NPAS4: variants seen among roughly 807,000 people sequenced by gnomAD.
NPAS4 encodes neuronal PAS domain-containing protein 4.
NPAS4 carries 10 observed loss-of-function variants against 64.0 expected under a neutral mutation model. The observed-to-expected ratio is 0.16, with a 90% CI of 0.10 to 0.26. The LOEUF is 0.26. Among genes scored for constraint, NPAS4 ranks in the 10% least tolerant of loss-of-function variants. NPAS4 has a pLI of 1.00. For synonymous variants in NPAS4, 441 were observed against 411.7 expected (o/e 1.07, Z -0.86); for missense variants, 886 against 992.6 (o/e 0.89, Z 1.44).
chr11:66,415,713 G>T, the NPAS4 span, among the ~76,000 whole-genome samples: 1 of 152,216 alleles, frequency 6.6e-6, no homozygotes, highest in East Asian at 1.9e-4. Context: ...AGAAAGCTTG[G>T]GTTGGGAGCA....
At position 66,426,133 on chromosome 11, in the gene NPAS4, G is replaced by C. The variant is rs564057244; in HGVS notation, c.*144G>C. 1.9e-4 allele frequency: 89 copies of C among 472,040 alleles called. No homozygotes were observed. Among genetic ancestry groups the C allele is most frequent in the African/African-American group, 1.6e-3 (79 of 49,760 alleles). 29.2% of individuals were successfully genotyped at this position (472,040 alleles called of 1,614,324 possible). ...TCCCCAGGCCCTGCAGGATTTTGGG[G>C]GGGGGGAGGTGGGAGGGCAAGGGAG... is the stretch of plus-strand genomic sequence containing the variant. On this transcript the variant is annotated 3_prime_UTR_variant, in exon 8 of 8. Coordinates refer to ENST00000311034, the MANE Select transcript of NPAS4 (RefSeq NM_178864.4).
Position 66,422,961 on chromosome 11 carries a change from A to T in NPAS4, c.698+20A>T. 1 of 1,598,640 alleles carries T rather than the reference A, an allele frequency of 6.3e-7. No homozygotes were observed. The highest frequency in any genetic ancestry group is 8.5e-7 in the Non-Finnish European group (1 of 1,177,034). ...CGAGAGGTAAGCCTGGAGTGTTCAG[A>T]TTCCAAGAGAAAGGCAGGCCAGAGA... On this transcript the variant is annotated intron_variant, in intron 4 of 7. Coordinates refer to ENST00000311034, the MANE Select transcript of NPAS4 (RefSeq NM_178864.4).
Position 66,426,054 on chromosome 11 carries a change from A to AC in NPAS4, c.*72dup, listed in dbSNP as rs1013946599. Reference sequence around the variant, plus strand: ...TCATCAAGACGTGGAGCCGCTCTCCACCCCCCCGGGACTGTTGGGGGGATT... The same window carrying AC: ...TCATCAAGACGTGGAGCCGCTCTCCACCCCCCCCGGGACTGTTGGGGGGATT... On this transcript the variant is annotated 3_prime_UTR_variant, in exon 8 of 8. Transcript: ENST00000311034. The AC allele has an allele frequency of 9.3e-5, 97 of 1,046,008 alleles. 1 individual carries two copies. The Middle Eastern group carries it at 1.4e-3, about 15-fold the overall frequency. The allele number at this position is 1,046,008 out of a possible 1,614,324, so 64.8% of individuals were successfully genotyped here.
the NPAS4 span, among the ~76,000 whole-genome samples, chr11:66,415,129 T>C: frequency 2.0e-5 from 3 of 152,150 alleles, no homozygotes; most frequent in Non-Finnish European, 4.4e-5. Context: ...AGGGTCGGAA[T>C]AGGGATGGAA....
intron 5 of NPAS4, 119 bp downstream of exon 5, chr11:66,423,351 C>T (rs1451274407): frequency 1.1e-5 from 9 of 835,800 alleles, no homozygotes; most frequent in East Asian, 2.6e-5. Context: ...CCAACAGTTT[C>T]GGATGCTATA....
chr11:66,424,021 T>A lies in NPAS4; in HGVS notation c.1131T>A (p.Ser377Arg), dbSNP rs776339478. Residue 377 changes from serine to arginine, a missense_variant, in exon 7 of 8, where the codon AGT becomes AGA. Coordinates refer to ENST00000311034, the MANE Select transcript of NPAS4 (RefSeq NM_178864.4). ...CTCCCAGAAGCACCAGCTTCCCCAG[T>A]GCTCCTGAACTGAGTGTTGTCTCTG... is the stretch of plus-strand genomic sequence containing the variant. ...LGAPRSTSFPSAPELSVVSAS... is the reference protein window; with the variant it reads ...LGAPRSTSFPRAPELSVVSAS... 6.2e-7 allele frequency: 1 copy of A among 1,614,140 alleles called. No homozygotes were observed. Among genetic ancestry groups the A allele is most frequent in the East Asian group, 2.2e-5 (1 of 44,880 alleles).
chr11:66,420,993 G>A (rs1856732224), upstream of NPAS4: 1 of 567,528 alleles, frequency 1.8e-6, no homozygotes, highest in African/African-American at 1.9e-5. Context: ...AGCCCCCCAC[G>A]CCTGGCAGGA....
At chr11:66,425,641 T>TA (rs967741824) in intron 7 of NPAS4, among the ~76,000 whole-genome samples, 6 of 152,300 alleles carry the variant, frequency 3.9e-5, no homozygotes, top group African/African-American at 1.4e-4. Context: ...GAAGAGGGAC[T>TA]AGAGCTCTAT....
rs200495885 is a variant in NPAS4 at position 66,424,404 on chromosome 11, C to T, written c.1514C>T (p.Thr505Ile). 3 of 1,614,110 alleles carry T rather than the reference C, an allele frequency of 1.9e-6. No individual in the cohort carries two copies. Among genetic ancestry groups the T allele is most frequent in the African/African-American group, 2.7e-5 (2 of 75,050 alleles). Residue 505 changes from threonine (T) to isoleucine (I), a missense_variant, in exon 7 of 8, where the codon ACC (threonine) becomes ATC (isoleucine). By Grantham distance (89) the Thr-to-Ile change is moderately conservative. Transcript: ENST00000311034. ...TATGAAGACCAGTTGACTCCCTGCA[C>T]CTCCACCTTCCCAGACCAGCTGCTT... ...RSYEDQLTPC[T>I]STFPDQLLPS...
the NPAS4 span, among the ~76,000 whole-genome samples, chr11:66,412,822 C>T: frequency 6.6e-6 from 1 of 152,214 alleles, no homozygotes; most frequent in Admixed American, 6.5e-5. Context: ...CCCCGCCACC[C>T]TCTCCTGCCT....
upstream of NPAS4, among the ~76,000 whole-genome samples, chr11:66,416,247 T>C (rs1856667823): frequency 6.6e-6 from 1 of 152,228 alleles, no homozygotes; most frequent in African/African-American, 2.4e-5. Flanking sequence ...GCCATGCCCT[T>C]GCCTGCTGAG....
the NPAS4 span, among the ~76,000 whole-genome samples, chr11:66,412,449 G>A: frequency 2.6e-5 from 4 of 152,232 alleles, no homozygotes; most frequent in Non-Finnish European, 4.4e-5. Context: ...CAAAGCTGCC[G>A]GTGGGTACCC....
rs745383406 is a variant in NPAS4, at chr11:66,424,566, A to G, written c.1676A>G (p.Lys559Arg). The G allele has an allele frequency of 1.2e-6, 2 of 1,614,120 alleles. No homozygotes were observed. The highest frequency in any genetic ancestry group is 8.5e-7 in the Non-Finnish European group (1 of 1,180,002). ...FPEQLSPNPT[K>R]TYFAQEGCSF... ...GAGCAACTGAGCCCCAACCCTACCA[A>G]GACTTACTTTGCCCAGGAGGGATGC... is the stretch of plus-strand genomic sequence containing the variant. Residue 559 changes from lysine to arginine, a missense_variant, in exon 7 of 8, where the codon AAG becomes AGG. By Grantham distance (26) the Lys-to-Arg change is conservative (BLOSUM62 2). Coordinates refer to ENST00000311034, the MANE Select transcript of NPAS4 (RefSeq NM_178864.4).
intron 1 of NPAS4, 110 bp downstream of exon 1, chr11:66,421,464 GGGGAGATTCGGGACTC>G (rs1174192436): frequency 5.5e-6 from 5 of 911,562 alleles, no homozygotes; most frequent in East Asian, 5.0e-5. Flanking sequence ...CTGGCGAGCT[GGGGAGATTCGGGACTC>G]GGGAGATTCG....
chr11:66,424,793 C>T lies in NPAS4; in HGVS notation c.1903C>T (p.Leu635Phe). Reference sequence around the variant, plus strand: ...AAAGGAGCAGAATGAGATAGACCGTCTCATCCAGCAGATTAGCCAATTGGC... The same window carrying T: ...AAAGGAGCAGAATGAGATAGACCGTTTCATCCAGCAGATTAGCCAATTGGC... ...SEKEQNEIDR[L>F]IQQISQLAQG... Residue 635 changes from leucine (L) to phenylalanine (F), a missense_variant, in exon 7 of 8, where the codon CTC (leucine) becomes TTC (phenylalanine). Leu to Phe is a conservative substitution (Grantham distance 22). Transcript: ENST00000311034. 2 of 1,614,070 alleles carry T rather than the reference C, an allele frequency of 1.2e-6. No homozygotes were observed. The highest frequency in any genetic ancestry group is 1.7e-6 in the Non-Finnish European group (2 of 1,180,010).
At chr11:66,413,872 C>T in the NPAS4 span, among the ~76,000 whole-genome samples, 1 of 152,222 alleles carries the variant, frequency 6.6e-6, no homozygotes. Flanking sequence ...GGACCCCTTG[C>T]TCTCTCACCA....
At chr11:66,420,998 G>T, upstream of NPAS4, 1 of 577,534 alleles carries the variant, frequency 1.7e-6, no homozygotes. Flanking sequence ...CCCACGCCTG[G>T]CAGGAGCTAT....
At position 66,423,178 on chromosome 11, in the gene NPAS4, G is replaced by A; in HGVS notation, c.754G>A (p.Gly252Arg). 6.2e-7 allele frequency: 1 copy of A among 1,611,816 alleles called. No homozygotes were observed. Among genetic ancestry groups the A allele is most frequent in the Non-Finnish European group, 8.5e-7 (1 of 1,178,870 alleles). Residue 252 changes from glycine to arginine, a missense_variant, in exon 5 of 8, where the codon GGA (glycine) becomes AGA (arginine). Coordinates refer to ENST00000311034, the MANE Select transcript of NPAS4 (RefSeq NM_178864.4). ...TGAACTGCTTTGTAAATCATGGTAT[G>A]GACTGCTGCACCCCGAGGACCTGGC... ...RSELLCKSWY[G>R]LLHPEDLAHA... is the part of the protein sequence containing the mutation.
chr11:66,422,206 T>C lies in NPAS4; in HGVS notation c.262T>C (p.Phe88Leu). 1 of 1,614,054 alleles carries C rather than the reference T, an allele frequency of 6.2e-7. No homozygotes were observed. The highest frequency in any genetic ancestry group is 8.5e-7 in the Non-Finnish European group (1 of 1,179,988). ...GGCACTACCCGGCTTTCTGCTTGTG[T>C]TCACAGCCGAGGGGAAATTGCTCTA... ...VAALPGFLLV[F>L]TAEGKLLYLS... is the part of the protein sequence containing the mutation. Residue 88 changes from phenylalanine to leucine, a missense_variant, in exon 2 of 8, where the codon TTC (phenylalanine) becomes CTC (leucine). This residue lies in a region of NPAS4 where 820 missense variants were observed against 855.5 expected (regional missense o/e 0.96). Transcript: ENST00000311034.
Sources: gnomAD v4.1 joint callset for allele counts (sites outside exome capture counted in the v4.1 genomes callset) on GRCh38, gnomAD v4.1.1 for gene constraint, gnomAD v4.1.1 regional missense constraint, MANE v1.5 for transcripts, NCBI Gene and HGNC (gene_info 2026-07-23, HGNC 2026-07-21) for gene names.